Variants in FAM149A observed in about 807,000 individuals in gnomAD.
FAM149A encodes the protein protein FAM149A.
Under a neutral mutation model 78.2 loss-of-function variants are expected in FAM149A, and 71 were observed. The observed-to-expected ratio is 0.91, with a 90% CI of 0.75 to 1.11. The LOEUF (loss-of-function observed/expected upper bound fraction) is 1.11, where lower values mean the gene tolerates loss of function less well. FAM149A is among the 50% of genes least tolerant of loss of function. The pLI is 0.00. For synonymous variants in FAM149A, 446 were observed against 410.5 expected, an observed-to-expected ratio of 1.09 and a Z score of -1.04; for missense variants, 1,036 against 971.0, an observed-to-expected ratio of 1.07 and a Z score of -0.89.
At chr4:186,158,886 G>A (rs2126505504) in intron 8 of FAM149A, 1 of 767,230 alleles carries the variant, frequency 1.3e-6, no homozygotes, top group Non-Finnish European at 1.6e-6. Flanking sequence ...TGGAAATAAG[G>A]CCGATGGAAA....
At chr4:186,154,025 T>C (rs4862651) in intron 5 of FAM149A, among the ~76,000 whole-genome samples, 135,166 of 152,228 alleles carry the variant, frequency 0.89, 60,101 homozygotes, top group African/African-American at 0.94. Flanking sequence ...TTACCTTCCA[T>C]GTTTGTTCCA....
chr4:186,160,930 T>C (rs905778081), intron 8 of FAM149A: 9 of 954,744 alleles, frequency 9.4e-6, no homozygotes. Flanking sequence ...TCTCAAAACC[T>C]CAATTTCCTG....
At chr4:186,162,305 T>TGGAGAGGA (rs1734668001) in intron 8 of FAM149A, among the ~76,000 whole-genome samples, 1 of 152,154 alleles carries the variant, frequency 6.6e-6, no homozygotes, top group Non-Finnish European at 1.5e-5. Context: ...CAGGCAAGTG[T>TGGAGAGGA]GGAGAGGAGG....
intron 1 of FAM149A, among the ~76,000 whole-genome samples, chr4:186,139,289 G>GC (rs1367243484): frequency 6.6e-6 from 1 of 152,118 alleles, no homozygotes; most frequent in East Asian, 1.9e-4. Context: ...CCTCCATGGA[G>GC]CCCTGGTCCC....
At chr4:186,118,152 G>C in intron 1 of FAM149A, 2 of 985,402 alleles carry the variant, frequency 2.0e-6, no homozygotes, top group Non-Finnish European at 2.4e-6. Context: ...ACAGGAGTTG[G>C]TGAACACACA....
At chr4:186,140,484 T>C (rs985068228) in intron 1 of FAM149A, among the ~76,000 whole-genome samples, 37 of 150,060 alleles carry the variant, frequency 2.5e-4, no homozygotes, top group African/African-American at 8.1e-4. Flanking sequence ...AACGTCTCAT[T>C]ATGTTGCCCA....
chr4:186,157,599 T>G lies in FAM149A; in HGVS notation c.1455T>G (p.Ala485=). The G allele has an allele frequency of 6.2e-7, 1 of 1,614,198 alleles. No homozygotes were observed. ...AACAGAGAGAAACATTGAAAGTGGCTGGAAACAGATTTCCGCACGTCCTCG... is the reference window on the plus strand; with the variant it reads ...AACAGAGAGAAACATTGAAAGTGGCGGGAAACAGATTTCCGCACGTCCTCG... The change falls in exon 8 of 14, where the codon GCT becomes GCG. Residue 485 remains alanine, a synonymous_variant. Transcript: ENST00000389354.
chr4:186,109,422 G>A, intron 1 of FAM149A: 1 of 935,798 alleles, frequency 1.1e-6, no homozygotes, highest in Non-Finnish European at 1.3e-6. Context: ...GTGACTAGAG[G>A]GACTTATCTC....
chr4:186,155,264 C>G (rs760915578), intron 6 of FAM149A, among the ~76,000 whole-genome samples: 4 of 152,232 alleles, frequency 2.6e-5, no homozygotes, highest in African/African-American at 4.8e-5. Context: ...CTGTGCCCAG[C>G]CTTGTATTTT....
At chr4:186,157,530 T>G (rs763137290) in intron 7 of FAM149A, 35 bp from the exon 8 acceptor site, 3 of 1,594,612 alleles carry the variant, frequency 1.9e-6, no homozygotes, top group Non-Finnish European at 2.6e-6. Flanking sequence ...GATAATCTGA[T>G]GTTTCTTGTA....
At chr4:186,110,164 G>C in intron 1 of FAM149A, 1 of 985,382 alleles carries the variant, frequency 1.0e-6, no homozygotes, top group Non-Finnish European at 1.2e-6. Flanking sequence ...TTATTGAATG[G>C]ATGAAGAAAA....
intron 13 of FAM149A, 62 bp from the exon 14 acceptor site, chr4:186,171,852 C>A: frequency 7.3e-7 from 1 of 1,373,142 alleles, no homozygotes; most frequent in Non-Finnish European, 1.0e-6. Flanking sequence ...ACAAAACAAT[C>A]GTTCTGAGTG....
intron 1 of FAM149A, among the ~76,000 whole-genome samples, chr4:186,120,828 A>G (rs1237505175): frequency 2.2e-5 from 3 of 137,790 alleles, no homozygotes; most frequent in South Asian, 2.3e-4. Context: ...ATCTAAAAGT[A>G]TCTTTCTCAA....
chr4:186,153,643 A>G lies in FAM149A; in HGVS notation c.933-2A>G, dbSNP rs754186832. ...GTCAGTAGCTTCTCTTTGACCTCGC[A>G]GAGTATTAGGAAGACAGCTGATCCT... On this transcript the variant is annotated splice_acceptor_variant, in intron 4 of 13. Transcript: ENST00000389354. LOFTEE classifies it high-confidence loss of function. The G allele has an allele frequency of 1.2e-5, 20 of 1,610,196 alleles. No homozygotes were observed. In the South Asian group the frequency reaches 1.8e-4, roughly 14 times the overall value.
At chr4:186,160,535 CCACACGCACACCCCA>C (rs1368903611) in intron 8 of FAM149A, among the ~76,000 whole-genome samples, 1 of 149,396 alleles carries the variant, frequency 6.7e-6, no homozygotes, top group Non-Finnish European at 1.5e-5. Context: ...ACACTACACA[CCACACGCACACCCCA>C]CACATGCACA....
chr4:186,168,040 G>A (rs528097036), intron 13 of FAM149A, among the ~76,000 whole-genome samples: 125 of 152,284 alleles, frequency 8.2e-4, no homozygotes, highest in Middle Eastern at 3.4e-3. Flanking sequence ...AAATTTCAGG[G>A]ATAATTTATT....
At chr4:186,165,286 T>C in intron 10 of FAM149A, 58 bp from the exon 11 acceptor site, 1 of 1,606,140 alleles carries the variant, frequency 6.2e-7, no homozygotes, top group Non-Finnish European at 8.5e-7. Flanking sequence ...GCAGATTTCC[T>C]GTCACTTGCC....
At chr4:186,149,457 A>G in intron 2 of FAM149A, 109 bp from the exon 3 acceptor site, 1 of 1,145,484 alleles carries the variant, frequency 8.7e-7, no homozygotes. Flanking sequence ...TGAAATTAAT[A>G]AATATATTTA....
At chr4:186,143,818 A>C (rs1732747455) in intron 1 of FAM149A, among the ~76,000 whole-genome samples, 1 of 152,182 alleles carries the variant, frequency 6.6e-6, no homozygotes, top group African/African-American at 2.4e-5. Flanking sequence ...GGCGTGAGCC[A>C]CCCTGGCTGG....
Sources: allele counts gnomAD v4.1 joint callset (sites outside exome capture counted in the v4.1 genomes callset), GRCh38; gene constraint gnomAD v4.1.1; transcripts MANE v1.5; gene names NCBI Gene and HGNC (gene_info 2026-07-23, HGNC 2026-07-21).